The following AGMO variants were observed in gnomAD, a reference collection of about 807,000 sequenced individuals.
AGMO encodes the protein glyceryl-ether monooxygenase.
In AGMO, 75 loss-of-function variants were observed where a neutral mutation model predicts 60.2. The observed-to-expected ratio is 1.25, with a 90% CI of 1.03 to 1.51. AGMO has a LOEUF of 1.51. Ranked by LOEUF, AGMO falls within the 40% of genes most tolerant of loss-of-function variation. The pLI, the probability that AGMO is intolerant of heterozygous loss-of-function variation, is 0.00. For missense variants in AGMO, 763 were observed against 525.5 expected (o/e 1.45, Z -4.42); for synonymous variants, 261 against 177.1 (o/e 1.47, Z -3.76).
At chr7:15,274,715 T>A (rs1193024484) in intron 12 of AGMO, among the ~76,000 whole-genome samples, 2 of 151,844 alleles carry the variant, frequency 1.3e-5, no homozygotes, top group Non-Finnish European at 2.9e-5. Context: ...TTTGGTAGAT[T>A]TTTTCATTAC....
At chr7:15,287,709 G>A (rs555893724) in intron 12 of AGMO, among the ~76,000 whole-genome samples, 23 of 152,104 alleles carry the variant, frequency 1.5e-4, no homozygotes, top group Admixed American at 7.8e-4. Flanking sequence ...AGAACTTTTC[G>A]AAATAATTTC....
chr7:15,366,709 T>C (rs1782998456), intron 10 of AGMO, among the ~76,000 whole-genome samples: 1 of 152,068 alleles, frequency 6.6e-6, no homozygotes, highest in African/African-American at 2.4e-5. Context: ...ACACTCATAT[T>C]TGATTCAATC....
intron 5 of AGMO, among the ~76,000 whole-genome samples, chr7:15,399,022 T>C (rs992544624): frequency 1.3e-5 from 2 of 152,224 alleles, no homozygotes; most frequent in Non-Finnish European, 1.5e-5. Context: ...TTGTATTTCA[T>C]ATTAGTTAAA....
chr7:15,530,730 T>A (rs1260360649), intron 3 of AGMO, among the ~76,000 whole-genome samples: 1 of 142,430 alleles, frequency 7.0e-6, no homozygotes, highest in Admixed American at 7.3e-5. Context: ...TATATAGATA[T>A]TCTATATATA....
chr7:15,471,364 C>A (rs1270808339), intron 3 of AGMO, among the ~76,000 whole-genome samples: 1 of 151,558 alleles, frequency 6.6e-6, no homozygotes, highest in Non-Finnish European at 1.5e-5. Flanking sequence ...AAGAAAAATT[C>A]AACATAATAA....
intron 12 of AGMO, among the ~76,000 whole-genome samples, chr7:15,231,334 C>G (rs1782252836): frequency 1.3e-5 from 2 of 152,132 alleles, no homozygotes; most frequent in African/African-American, 4.8e-5. Context: ...GTTTGATGGA[C>G]TCTGCTTCTA....
At chr7:15,178,217 G>C in the AGMO span, among the ~76,000 whole-genome samples, 1 of 152,098 alleles carries the variant, frequency 6.6e-6, no homozygotes, top group African/African-American at 2.4e-5. Flanking sequence ...AACTCTCTAA[G>C]AAGGGAATTT....
At chr7:15,293,479 A>T (rs2128523044) in intron 12 of AGMO, among the ~76,000 whole-genome samples, 1 of 152,240 alleles carries the variant, frequency 6.6e-6, no homozygotes, top group Non-Finnish European at 1.5e-5. Context: ...TGCATGCGTA[A>T]TCCTAGTAAA....
At chr7:15,505,678 GA>G (rs1292143092) in intron 3 of AGMO, among the ~76,000 whole-genome samples, 1 of 151,686 alleles carries the variant, frequency 6.6e-6, no homozygotes, top group Non-Finnish European at 1.5e-5. Context: ...GACTACTTCT[GA>G]AAAAAACAAA....
chr7:15,330,288 T>C (rs544563930), intron 12 of AGMO, among the ~76,000 whole-genome samples: 7 of 152,164 alleles, frequency 4.6e-5, no homozygotes, highest in Admixed American at 1.3e-4. Flanking sequence ...CTTGAAATCA[T>C]TGATAAACAT....
At chr7:15,479,742 G>T (rs1054645457) in intron 3 of AGMO, among the ~76,000 whole-genome samples, 4 of 152,124 alleles carry the variant, frequency 2.6e-5, no homozygotes, top group Non-Finnish European at 5.9e-5. Flanking sequence ...CTAAATGCAA[G>T]GGATACAAAA....
intron 3 of AGMO, among the ~76,000 whole-genome samples, chr7:15,498,800 A>G (rs545391253): frequency 2.2e-4 from 34 of 151,942 alleles, no homozygotes; most frequent in Non-Finnish European, 4.0e-4. Flanking sequence ...ATAAATGAGA[A>G]ACAGTGAGAA....
At chr7:15,265,490 G>C (rs550911752) in intron 12 of AGMO, among the ~76,000 whole-genome samples, 16 of 151,976 alleles carry the variant, frequency 1.1e-4, no homozygotes, top group South Asian at 1.0e-3. Flanking sequence ...TGATTACAAT[G>C]TTTATATTAT....
chr7:15,510,667 C>A (rs1237198761), intron 3 of AGMO, among the ~76,000 whole-genome samples: 3 of 150,078 alleles, frequency 2.0e-5, no homozygotes, highest in Non-Finnish European at 4.4e-5. Flanking sequence ...GATATTAACA[C>A]TATTTGAAAT....
At chr7:15,448,438 T>A (rs910025860) in intron 3 of AGMO, among the ~76,000 whole-genome samples, 1 of 152,106 alleles carries the variant, frequency 6.6e-6, no homozygotes, top group African/African-American at 2.4e-5. Flanking sequence ...TCCTAGACTC[T>A]AGAATATAAA....
intron 3 of AGMO, among the ~76,000 whole-genome samples, chr7:15,484,491 T>C (rs1782860053): frequency 6.6e-6 from 1 of 152,168 alleles, no homozygotes; most frequent in African/African-American, 2.4e-5. Context: ...GGATATATGG[T>C]GTGTTCACAT....
chr7:15,351,082 G>C (rs1782227405), intron 12 of AGMO, among the ~76,000 whole-genome samples: 1 of 152,118 alleles, frequency 6.6e-6, no homozygotes, highest in Admixed American at 6.6e-5. Flanking sequence ...AGATGGCTAA[G>C]AAAATTGCAG....
chr7:15,502,338 G>A (rs1783408841), intron 3 of AGMO, among the ~76,000 whole-genome samples: 1 of 151,590 alleles, frequency 6.6e-6, no homozygotes. Flanking sequence ...CACATTTCTG[G>A]CAGCATGGGT....
intron 12 of AGMO, among the ~76,000 whole-genome samples, chr7:15,355,938 A>T (rs1242131323): frequency 6.6e-6 from 1 of 151,270 alleles, no homozygotes; most frequent in South Asian, 2.1e-4. Context: ...GGTACAAAAA[A>T]ATCACAGAAA....
Sources: allele counts gnomAD v4.1 joint callset (sites outside exome capture counted in the v4.1 genomes callset), GRCh38; gene constraint gnomAD v4.1.1; transcripts MANE v1.5; gene names NCBI Gene and HGNC (gene_info 2026-07-23, HGNC 2026-07-21).